CLYBL: variants seen among roughly 807,000 people sequenced by gnomAD.
The protein encoded by CLYBL is citramalyl-CoA lyase, mitochondrial.
Under a neutral mutation model 38.9 loss-of-function variants are expected in CLYBL, and 31 were observed. That is an observed-to-expected ratio of 0.80 (90% CI 0.60 to 1.08). The LOEUF is 1.08. Among genes scored for constraint, CLYBL ranks in the 50% least tolerant of loss-of-function variants. The pLI, the probability that CLYBL is intolerant of heterozygous loss-of-function variation, is 0.00. For missense variants in CLYBL, 434 were observed against 411.6 expected (o/e 1.05, Z -0.47); for synonymous variants, 171 against 158.6 (o/e 1.08, Z -0.59).
At chr13:99,606,973 G>GGGTA (rs2046535656) in intron 1 of CLYBL, among the ~76,000 whole-genome samples, 1 of 152,306 alleles carries the variant, frequency 6.6e-6, no homozygotes, top group Middle Eastern at 3.4e-3. Flanking sequence ...CCCGGAAAAT[G>GGGTA]GGTACACACC....
intron 2 of CLYBL, among the ~76,000 whole-genome samples, chr13:99,787,069 A>G (rs1444514707): frequency 6.6e-6 from 1 of 151,604 alleles, no homozygotes; most frequent in East Asian, 1.9e-4. Flanking sequence ...TTTCTTGTAA[A>G]TTTGTTTGAG....
intron 1 of CLYBL, among the ~76,000 whole-genome samples, chr13:99,654,683 G>A (rs2047303506): frequency 6.6e-6 from 1 of 152,212 alleles, no homozygotes; most frequent in African/African-American, 2.4e-5. Context: ...GTAAGTCACA[G>A]TCTTTAGATT....
At chr13:99,770,891 T>C (rs912084601) in intron 1 of CLYBL, among the ~76,000 whole-genome samples, 2 of 151,400 alleles carry the variant, frequency 1.3e-5, no homozygotes, top group Non-Finnish European at 2.9e-5. Context: ...CCAGCTAATT[T>C]TTGTGTTTTT....
intron 2 of CLYBL, among the ~76,000 whole-genome samples, chr13:99,852,057 C>A (rs2051345611): frequency 6.6e-6 from 1 of 152,064 alleles, no homozygotes; most frequent in Non-Finnish European, 1.5e-5. Context: ...AATCTTGAAA[C>A]ATACTAAGTG....
chr13:99,616,976 T>G (rs553947565), intron 1 of CLYBL, among the ~76,000 whole-genome samples: 1 of 151,636 alleles, frequency 6.6e-6, no homozygotes, highest in South Asian at 2.1e-4. Context: ...ATAATAGTAA[T>G]AATAATAATA....
chr13:99,660,054 T>C (rs2047387008), intron 1 of CLYBL, among the ~76,000 whole-genome samples: 1 of 152,170 alleles, frequency 6.6e-6, no homozygotes, highest in Admixed American at 6.5e-5. Context: ...TTTGAGCTTC[T>C]TAGAGAAAAA....
chr13:99,754,000 T>A (rs146591603), intron 1 of CLYBL, among the ~76,000 whole-genome samples: 6,011 of 142,180 alleles, frequency 0.042, 148 homozygotes, highest in Non-Finnish European at 0.056. Flanking sequence ...GGCAGAAGAA[T>A]CGCTTGAACC....
At chr13:99,685,860 G>T (rs982903617) in intron 1 of CLYBL, among the ~76,000 whole-genome samples, 2 of 152,170 alleles carry the variant, frequency 1.3e-5, no homozygotes, top group Admixed American at 1.3e-4. Flanking sequence ...TACTCGGGTG[G>T]CTGAGGAACG....
intron 1 of CLYBL, among the ~76,000 whole-genome samples, chr13:99,741,491 G>A (rs1027032391): frequency 6.6e-6 from 1 of 152,108 alleles, no homozygotes; most frequent in Admixed American, 6.6e-5. Flanking sequence ...CTGAATAAAA[G>A]GTTTAAACTT....
At chr13:99,873,825 C>T (rs930308022) in intron 7 of CLYBL, among the ~76,000 whole-genome samples, 4 of 152,268 alleles carry the variant, frequency 2.6e-5, no homozygotes, top group African/African-American at 9.6e-5. Flanking sequence ...ACTACTTAGA[C>T]CATGAGCAGA....
At chr13:99,832,843 A>G (rs5009289) in intron 2 of CLYBL, among the ~76,000 whole-genome samples, 8,880 of 151,160 alleles carry the variant, frequency 0.059, 329 homozygotes, top group East Asian at 0.16. Flanking sequence ...TTAAAGGGAA[A>G]AAAAAGAAAG....
chr13:99,734,902 C>CTA (rs961133264), intron 1 of CLYBL, among the ~76,000 whole-genome samples: 1 of 152,068 alleles, frequency 6.6e-6, no homozygotes, highest in Non-Finnish European at 1.5e-5. Flanking sequence ...TATAGTAGAA[C>CTA]TATATTACTA....
intron 8 of CLYBL, 88 bp from the exon 9 acceptor site, chr13:99,892,355 T>G (rs1182972157): frequency 6.6e-6 from 1 of 152,576 alleles, no homozygotes; most frequent in Non-Finnish European, 1.5e-5. Context: ...AAAGCTGTTT[T>G]GAAGAGGTTA....
chr13:99,671,527 C>T (rs915848035), intron 1 of CLYBL, among the ~76,000 whole-genome samples: 2 of 152,070 alleles, frequency 1.3e-5, no homozygotes, highest in Non-Finnish European at 2.9e-5. Context: ...CACCTGTAAC[C>T]CCAGCACTTT....
chr13:99,746,097 GA>G (rs11322280), intron 1 of CLYBL, among the ~76,000 whole-genome samples: 9,003 of 146,992 alleles, frequency 0.061, 549 homozygotes, highest in African/African-American at 0.16. Context: ...TTTTCTAGAA[GA>G]AAAAAAAAAT....
At chr13:99,622,687 G>C (rs544382889) in intron 1 of CLYBL, among the ~76,000 whole-genome samples, 1 of 152,118 alleles carries the variant, frequency 6.6e-6, no homozygotes, top group Non-Finnish European at 1.5e-5. Flanking sequence ...TCCATTGAGC[G>C]GCCATTCCCC....
chr13:99,839,195 G>A (rs1049156118), intron 2 of CLYBL, among the ~76,000 whole-genome samples: 2 of 152,240 alleles, frequency 1.3e-5, no homozygotes, highest in Admixed American at 6.5e-5. Flanking sequence ...GAGTTTAGAA[G>A]GGGCATCACC....
intron 1 of CLYBL, among the ~76,000 whole-genome samples, chr13:99,639,487 G>T (rs146376425): frequency 6.6e-6 from 1 of 152,172 alleles, no homozygotes; most frequent in Non-Finnish European, 1.5e-5. Context: ...GGAGTGCTCC[G>T]ATGGTTTAGC....
At chr13:99,710,202 G>A (rs934959494) in intron 1 of CLYBL, among the ~76,000 whole-genome samples, 11 of 152,032 alleles carry the variant, frequency 7.2e-5, no homozygotes, top group Non-Finnish European at 1.3e-4. Context: ...GTGAGCCACC[G>A]TGCCCGGCCC....
Sources: allele counts gnomAD v4.1 joint callset (sites outside exome capture counted in the v4.1 genomes callset), GRCh38; gene constraint gnomAD v4.1.1; transcripts MANE v1.5; gene names NCBI Gene and HGNC (gene_info 2026-07-23, HGNC 2026-07-21).